Variants in FHIT observed in about 807,000 individuals in gnomAD.
FHIT encodes bis(5'-adenosyl)-triphosphatase.
A neutral mutation model predicts 17.9 loss-of-function variants in FHIT; 19 were observed. The observed-to-expected ratio is 1.06, with a 90% CI of 0.74 to 1.56. The LOEUF is 1.56. Ranked by LOEUF, FHIT falls within the 40% of genes most tolerant of loss-of-function variation. The pLI is 0.00. For synonymous variants in FHIT, 81 were observed against 69.7 expected (o/e 1.16, Z -0.81); for missense variants, 248 against 189.2 (o/e 1.31, Z -1.82).
intron 1 of FHIT, among the ~76,000 whole-genome samples, chr3:61,230,747 C>T (rs2040079419): frequency 6.6e-6 from 1 of 152,098 alleles, no homozygotes; most frequent in African/African-American, 2.4e-5. Context: ...CTTTGCTTGG[C>T]AGAATTAAAA....
chr3:60,708,968 T>C (rs2041446198), intron 4 of FHIT, among the ~76,000 whole-genome samples: 1 of 152,134 alleles, frequency 6.6e-6, no homozygotes, highest in African/African-American at 2.4e-5. Context: ...GGCAACTGGG[T>C]TTCTATAGCG....
intron 5 of FHIT, among the ~76,000 whole-genome samples, chr3:60,046,173 A>G (rs1701645708): frequency 6.6e-6 from 1 of 152,238 alleles, no homozygotes; most frequent in Non-Finnish European, 1.5e-5. Flanking sequence ...CCATTCAATA[A>G]AGCTGCTTTT....
At chr3:60,791,678 CACCCA>C (rs1196883805) in intron 4 of FHIT, among the ~76,000 whole-genome samples, 3 of 152,194 alleles carry the variant, frequency 2.0e-5, no homozygotes, top group Admixed American at 1.3e-4. Context: ...AGGCACCCAG[CACCCA>C]ACTTGATGAG....
chr3:60,927,850 G>A (rs782243180), intron 3 of FHIT, among the ~76,000 whole-genome samples: 8 of 152,244 alleles, frequency 5.3e-5, no homozygotes, highest in African/African-American at 7.2e-5. Flanking sequence ...CGATGATGGC[G>A]GTTTTGCTGA....
chr3:60,310,994 C>G (rs1012894794), intron 5 of FHIT, among the ~76,000 whole-genome samples: 1 of 152,130 alleles, frequency 6.6e-6, no homozygotes, highest in African/African-American at 2.4e-5. Flanking sequence ...CTTTTCCACC[C>G]CAGTACAGTT....
At chr3:61,243,388 TTTTC>T (rs2040416560) in intron 1 of FHIT, among the ~76,000 whole-genome samples, 1 of 152,232 alleles carries the variant, frequency 6.6e-6, no homozygotes, top group Non-Finnish European at 1.5e-5. Flanking sequence ...AAAGGATTGT[TTTTC>T]TTTTTTCCTC....
intron 3 of FHIT, among the ~76,000 whole-genome samples, chr3:61,029,208 T>C (rs2032886593): frequency 6.6e-6 from 1 of 152,212 alleles, no homozygotes; most frequent in East Asian, 1.9e-4. Context: ...CATCAGTACC[T>C]TAATTGTTGT....
At chr3:60,713,986 A>G (rs13065530) in intron 4 of FHIT, among the ~76,000 whole-genome samples, 17,301 of 151,938 alleles carry the variant, frequency 0.11, 1,258 homozygotes, top group Non-Finnish European at 0.16. Context: ...ACCAAAAAAG[A>G]GAATTTTAGA....
chr3:60,242,241 T>G (rs961044441), intron 5 of FHIT, among the ~76,000 whole-genome samples: 5 of 152,134 alleles, frequency 3.3e-5, no homozygotes, highest in African/African-American at 9.6e-5. Context: ...TATCTGTAGC[T>G]GTATATTTCA....
intron 5 of FHIT, among the ~76,000 whole-genome samples, chr3:60,374,546 C>T (rs1050304920): frequency 6.6e-6 from 1 of 150,548 alleles, no homozygotes; most frequent in South Asian, 2.1e-4. Context: ...GGATCTTCCA[C>T]CCCAGATTTT....
chr3:60,354,321 C>T (rs980869811), intron 5 of FHIT, among the ~76,000 whole-genome samples: 1 of 152,074 alleles, frequency 6.6e-6, no homozygotes, highest in East Asian at 1.9e-4. Context: ...TTATTTTAAA[C>T]TTTTCCAACC....
chr3:60,918,809 G>C (rs782715035), intron 3 of FHIT, among the ~76,000 whole-genome samples: 6 of 152,148 alleles, frequency 3.9e-5, no homozygotes, highest in Non-Finnish European at 8.8e-5. Context: ...TACATGCAAT[G>C]AAAAAGTATT....
At chr3:61,030,637 A>G (rs781671847) in intron 3 of FHIT, among the ~76,000 whole-genome samples, 9 of 152,316 alleles carry the variant, frequency 5.9e-5, no homozygotes, top group South Asian at 4.1e-4. Context: ...TACAATAAAC[A>G]TAAGTGACTC....
At chr3:60,070,902 G>C (rs140789801) in intron 5 of FHIT, among the ~76,000 whole-genome samples, 2 of 152,198 alleles carry the variant, frequency 1.3e-5, no homozygotes, top group African/African-American at 4.8e-5. Context: ...CTGGCGCCTA[G>C]GCAGGGAACA....
At chr3:59,759,491 T>TC (rs1432634754) in intron 8 of FHIT, among the ~76,000 whole-genome samples, 5 of 152,166 alleles carry the variant, frequency 3.3e-5, no homozygotes, top group African/African-American at 7.2e-5. Context: ...GGCAGCTTTC[T>TC]CCCTGGTGCT....
At position 60,027,611 on chromosome 3, in the gene FHIT, A is replaced by G. The variant is rs78726443; in HGVS notation, c.104-13459T>C. ...ACTGCAACCTCGAATACTACGCCAT[A>G]GAGTTCAGATTCCAACACCTTTAAT... On this transcript the variant is annotated intron_variant, in intron 5 of 9. Transcript: ENST00000492590. Among the ~76,000 whole-genome samples, 1,120 of 152,206 alleles carry G rather than the reference A, an allele frequency of 7.4e-3. 12 individuals carry two copies. Among genetic ancestry groups the G allele is most frequent in the African/African-American group, 0.024 (998 of 41,522 alleles).
At chr3:60,680,490 T>C (rs2107861104) in intron 4 of FHIT, among the ~76,000 whole-genome samples, 1 of 152,240 alleles carries the variant, frequency 6.6e-6, no homozygotes, top group East Asian at 1.9e-4. Context: ...ATAACCTGAA[T>C]GATGTTGCCT....
chr3:60,168,512 G>A (rs1054451662), intron 5 of FHIT, among the ~76,000 whole-genome samples: 2 of 152,162 alleles, frequency 1.3e-5, no homozygotes, highest in African/African-American at 4.8e-5. Context: ...AAATGATCTT[G>A]GAGAAGCAGG....
At chr3:60,561,634 C>T (rs905921874) in intron 4 of FHIT, among the ~76,000 whole-genome samples, 10 of 152,140 alleles carry the variant, frequency 6.6e-5, no homozygotes, top group Non-Finnish European at 1.2e-4. Flanking sequence ...AAAGGCAACT[C>T]AGTGACTGAG....
Sources: gnomAD v4.1 joint callset for allele counts (sites outside exome capture counted in the v4.1 genomes callset) on GRCh38, gnomAD v4.1.1 for gene constraint, MANE v1.5 for transcripts, NCBI Gene and HGNC (gene_info 2026-07-23, HGNC 2026-07-21) for gene names.